Variants in PHC2 observed in about 807,000 individuals in gnomAD.
PHC2 encodes polyhomeotic homolog 2.
In PHC2, 29 loss-of-function variants were observed where a neutral mutation model predicts 87.4. That is an observed-to-expected ratio of 0.33 (90% CI 0.25 to 0.45). The LOEUF (loss-of-function observed/expected upper bound fraction) is 0.45. Ranked by LOEUF, PHC2 falls within the 20% of genes least tolerant of loss-of-function variation. PHC2 has a pLI of 1.00. For synonymous variants in PHC2, 438 were observed against 461.7 expected (o/e 0.95, Z 0.66); for missense variants, 857 against 1,136.7 (o/e 0.75, Z 3.54).
At chr1:33,378,233 C>T (rs1648284222) in intron 1 of PHC2, among the ~76,000 whole-genome samples, 1 of 152,104 alleles carries the variant, frequency 6.6e-6, no homozygotes. Flanking sequence ...ATCTTATGTT[C>T]TAGGGAGGGA....
At chr1:33,350,078 A>T (rs576994862) in intron 9 of PHC2, among the ~76,000 whole-genome samples, 208 of 151,026 alleles carry the variant, frequency 1.4e-3, no homozygotes, top group African/African-American at 4.0e-3. Context: ...GGCTCAGCTT[A>T]GGGAGGCGGG....
intron 12 of PHC2, 109 bp from the exon 13 acceptor site, chr1:33,330,321 T>C (rs1646463004): frequency 2.5e-6 from 3 of 1,177,242 alleles, no homozygotes; most frequent in African/African-American, 1.5e-5. Context: ...CATCTATTGG[T>C]TCAGATCCTA....
At chr1:33,344,014 GT>G (rs1646798018) in intron 9 of PHC2, among the ~76,000 whole-genome samples, 1 of 152,164 alleles carries the variant, frequency 6.6e-6, no homozygotes, top group East Asian at 1.9e-4. Flanking sequence ...ATAAAGGGGG[GT>G]TTTAAGCAGA....
In PHC2 at chr1:33,337,302, C is replaced by T. The variant is rs189913520; in HGVS notation, c.1559-3010G>A. 3.7e-3 allele frequency among the ~76,000 whole-genome samples: 568 copies of T among 152,364 alleles called. 5 individuals carry two copies. The highest frequency in any genetic ancestry group is 0.013 in the African/African-American group (539 of 41,582). On this transcript the variant is annotated intron_variant, in intron 9 of 14. Transcript: ENST00000683057. ...TCCAGCGACAAAGAAACTCACTACT[C>T]TGGAAGCAGTTTGTTCCCACCTTGG...
intron 4 of PHC2, among the ~76,000 whole-genome samples, chr1:33,370,801 G>A (rs1647778808): frequency 6.6e-6 from 1 of 152,110 alleles, no homozygotes; most frequent in Admixed American, 6.6e-5. Context: ...AGAGAACTGA[G>A]CTATCCACAG....
chr1:33,382,986 G>A lies in PHC2; in HGVS notation c.-54-7393C>T, dbSNP rs1011248056. Among the ~76,000 whole-genome samples the A allele has an allele frequency of 3.3e-5, 5 of 152,170 alleles. No homozygotes were observed. The highest frequency in any genetic ancestry group is 6.5e-5 in the Admixed American group (1 of 15,274). On this transcript the variant is annotated intron_variant, in intron 1 of 14. Transcript: ENST00000683057. The surrounding 1 kb of genome is among the most constrained non-coding windows in gnomAD (Gnocchi z 4.3). Reference sequence around the variant, plus strand: ...AGCTGGGCAGGAAATGAGAAGTCTCGTCAGCCCCATCGTGGCTGCTGGTAT... The same window carrying A: ...AGCTGGGCAGGAAATGAGAAGTCTCATCAGCCCCATCGTGGCTGCTGGTAT...
intron 9 of PHC2, among the ~76,000 whole-genome samples, chr1:33,343,816 G>A (rs1343355219): frequency 1.3e-5 from 2 of 152,188 alleles, no homozygotes; most frequent in Non-Finnish European, 2.9e-5. Context: ...CTTGGTCTAC[G>A]TCGGTAGTCC....
intron 7 of PHC2, among the ~76,000 whole-genome samples, chr1:33,359,374 T>C (rs955449769): frequency 6.6e-6 from 1 of 152,238 alleles, no homozygotes; most frequent in Non-Finnish European, 1.5e-5. Context: ...GGACTACTTA[T>C]GCACTCATTT....
At chr1:33,379,847 G>A (rs1173340226) in intron 1 of PHC2, among the ~76,000 whole-genome samples, 1 of 96,312 alleles carries the variant, frequency 1.0e-5, no homozygotes, top group Non-Finnish European at 2.0e-5. Flanking sequence ...TGGGCTGCTC[G>A]CCCTTGACCA....
intron 1 of PHC2, among the ~76,000 whole-genome samples, chr1:33,412,950 TTTTTTTGTTTGTTTG>T (rs1242367220): frequency 6.6e-6 from 1 of 151,960 alleles, no homozygotes; most frequent in Non-Finnish European, 1.5e-5. Context: ...GGACTTGTTT[TTTTTTTGTTTGTTTG>T]TTTTTGTTTG....
Position 33,339,906 on chromosome 1 carries a change from C to T in PHC2, c.1559-5614G>A, listed in dbSNP as rs553979844. Among the ~76,000 whole-genome samples the T allele has an allele frequency of 7.2e-5, 11 of 152,300 alleles. No homozygotes were observed. In the South Asian group the frequency reaches 8.3e-4, roughly 11 times the overall value. On this transcript the variant is annotated intron_variant, in intron 9 of 14. Coordinates refer to ENST00000683057, the MANE Select transcript of PHC2 (RefSeq NM_001385109.1). The stretch of plus-strand genomic sequence containing the variant: ...CAATGAGCATTTCCTTTGAGTATCA[C>T]GTAGGTGCTCAAAAAGTTTGGGATT...
chr1:33,416,584 G>GAAAAAAAAAAAAAAAAAAAAAAAA (rs61591207), intron 1 of PHC2, among the ~76,000 whole-genome samples: 3 of 115,840 alleles, frequency 2.6e-5, no homozygotes, highest in South Asian at 2.8e-4. Context: ...TCAAAAAAAA[G>GAAAAAAAAAAAAAAAAAAAAAAAA]AAAAAAAAAA....
At chr1:33,361,359 AG>A (rs1647190391) in intron 7 of PHC2, among the ~76,000 whole-genome samples, 1 of 152,054 alleles carries the variant, frequency 6.6e-6, no homozygotes, top group Admixed American at 6.5e-5. Context: ...TGTTTTTTTG[AG>A]ATGGAGTTTC....
At chr1:33,351,346 C>T (rs909557222) in intron 9 of PHC2, among the ~76,000 whole-genome samples, 1 of 152,192 alleles carries the variant, frequency 6.6e-6, no homozygotes, top group Admixed American at 6.5e-5. Flanking sequence ...TGTACGAACA[C>T]TGGCAATGTG....
At chr1:33,350,397 G>A (rs925108156) in intron 9 of PHC2, 3 of 152,248 alleles carry the variant, frequency 2.0e-5, no homozygotes, top group African/African-American at 7.2e-5. Context: ...GAGGCTGATT[G>A]AGGAAGTGGG....
chr1:33,377,931 A>G (rs931340612), intron 1 of PHC2, among the ~76,000 whole-genome samples: 1 of 152,114 alleles, frequency 6.6e-6, no homozygotes. Context: ...GGTGGCAGGC[A>G]GCAAGTTGCT....
At chr1:33,360,152 G>C (rs1017563954) in intron 7 of PHC2, among the ~76,000 whole-genome samples, 5 of 152,230 alleles carry the variant, frequency 3.3e-5, no homozygotes, top group African/African-American at 1.2e-4. Context: ...AGGGGAAGTA[G>C]AGCTAAGGGA....
chr1:33,428,763 A>G (rs879507941), intron 1 of PHC2, among the ~76,000 whole-genome samples: 2 of 152,242 alleles, frequency 1.3e-5, no homozygotes, highest in Non-Finnish European at 2.9e-5. Context: ...GGAAACTGGG[A>G]TGAAGAGAAG....
chr1:33,367,771 C>G (rs1222756102), intron 6 of PHC2, among the ~76,000 whole-genome samples: 5 of 152,166 alleles, frequency 3.3e-5, no homozygotes, highest in Admixed American at 2.0e-4. Flanking sequence ...GCACACCACC[C>G]AGAAATAATT....
Sources: gnomAD v4.1 joint callset for allele counts (sites outside exome capture counted in the v4.1 genomes callset) on GRCh38, gnomAD v4.1.1 for gene constraint, Gnocchi (gnomAD v3.1) non-coding constraint, MANE v1.5 for transcripts, NCBI Gene and HGNC (gene_info 2026-07-23, HGNC 2026-07-21) for gene names.